LHFPL2: variants seen among roughly 807,000 people sequenced by gnomAD.
LHFPL2 encodes the protein LHFPL tetraspan subfamily member 2.
LHFPL2 carries 7 observed loss-of-function variants against 17.5 expected under a neutral mutation model. The ratio of observed to expected loss-of-function variants is 0.40; its 90% CI spans 0.23 to 0.75. The LOEUF (loss-of-function observed/expected upper bound fraction) is 0.75. LHFPL2 is among the 30% of genes least tolerant of loss of function. LHFPL2 has a pLI of 0.37. For missense variants in LHFPL2, 241 were observed against 294.8 expected (o/e 0.82, Z 1.34); for synonymous variants, 134 against 116.2 (o/e 1.15, Z -0.99).
chr5:78,623,494 ATTG>A (rs1744931470), intron 2 of LHFPL2, among the ~76,000 whole-genome samples: 1 of 152,270 alleles, frequency 6.6e-6, no homozygotes, highest in Non-Finnish European at 1.5e-5. Context: ...GAACTATTGC[ATTG>A]AAACTATGTC....
At chr5:78,582,675 T>C (rs2112445973) in intron 2 of LHFPL2, among the ~76,000 whole-genome samples, 1 of 152,368 alleles carries the variant, frequency 6.6e-6, no homozygotes, top group South Asian at 2.1e-4. Context: ...TCCTGTTCTT[T>C]TACAGTTGCT....
rs1048155937 is a variant in LHFPL2 at position 78,487,520 on chromosome 5, C to T, written c.*1377G>A. The T allele has an allele frequency of 4.6e-5, 7 of 152,206 alleles. No homozygotes were observed. The highest frequency in any genetic ancestry group is 7.3e-5 in the Non-Finnish European group (5 of 68,042). The allele number at this position is 152,206 out of a possible 1,614,324, so 9.4% of individuals were successfully genotyped here. On this transcript the variant is annotated 3_prime_UTR_variant, in exon 5 of 5. Transcript: ENST00000380345. ...TTTCTTAAAGTGCTAAGGAGTGTTT[C>T]TGTATCATGATACAATTTTGAAGCT...
At chr5:78,515,837 G>A (rs1020710882) in intron 3 of LHFPL2, among the ~76,000 whole-genome samples, 9 of 152,178 alleles carry the variant, frequency 5.9e-5, no homozygotes, top group Admixed American at 5.9e-4. Flanking sequence ...GGAGGCTGAA[G>A]GGCAGAGGCA....
At chr5:78,505,459 C>CAGGGGA (rs1392145651) in intron 4 of LHFPL2, among the ~76,000 whole-genome samples, 6 of 152,160 alleles carry the variant, frequency 3.9e-5, no homozygotes, top group Non-Finnish European at 8.8e-5. Flanking sequence ...ATGTGTGTGT[C>CAGGGGA]AGGGGAAGGG....
At chr5:78,594,013 G>T (rs1743738597) in intron 2 of LHFPL2, among the ~76,000 whole-genome samples, 2 of 152,346 alleles carry the variant, frequency 1.3e-5, no homozygotes, top group Admixed American at 6.5e-5. Context: ...ATAACTCGTA[G>T]ATAGGAACTC....
At chr5:78,534,724 A>G (rs1309821299) in intron 3 of LHFPL2, among the ~76,000 whole-genome samples, 1 of 152,174 alleles carries the variant, frequency 6.6e-6, no homozygotes, top group Non-Finnish European at 1.5e-5. Flanking sequence ...TCTCAGCCCA[A>G]ACAGGCAGTG....
intron 1 of LHFPL2, among the ~76,000 whole-genome samples, chr5:78,640,080 A>G (rs1324476347): frequency 6.6e-6 from 1 of 152,238 alleles, no homozygotes; most frequent in East Asian, 1.9e-4. Context: ...TAGAATCAGG[A>G]GAGGAAAAAG....
Position 78,538,070 on chromosome 5 carries a change from C to A in LHFPL2, c.-186+26743G>T, listed in dbSNP as rs58551105. On this transcript the variant is annotated intron_variant, in intron 3 of 4. Transcript: ENST00000380345. Reference sequence around the variant, plus strand: ...CTGCCTTAGAATCTTCTCAATAGAGCCCCTAGTCCTGCGGCATCTCAGCCA... The same window carrying A: ...CTGCCTTAGAATCTTCTCAATAGAGACCCTAGTCCTGCGGCATCTCAGCCA... 9.7e-3 allele frequency among the ~76,000 whole-genome samples: 1,481 copies of A among 152,280 alleles called. 22 individuals carry two copies. Among genetic ancestry groups the A allele is most frequent in the African/African-American group, 0.032 (1,331 of 41,566 alleles).
chr5:78,634,100 A>C (rs1745344432), intron 1 of LHFPL2, among the ~76,000 whole-genome samples: 1 of 152,234 alleles, frequency 6.6e-6, no homozygotes, highest in South Asian at 2.1e-4. Flanking sequence ...TACCAAAAGA[A>C]AAAAGATTAC....
rs6876377 is a variant in LHFPL2, at chr5:78,598,000, A to G, written c.-244-33129T>C. Among the ~76,000 whole-genome samples the G allele has an allele frequency of 8.3e-3, 1,268 of 152,304 alleles. 15 individuals carry two copies. Among genetic ancestry groups the G allele is most frequent in the African/African-American group, 0.027 (1,132 of 41,560 alleles). On this transcript the variant is annotated intron_variant, in intron 2 of 4. Coordinates refer to ENST00000380345, the MANE Select transcript of LHFPL2 (RefSeq NM_005779.3). ...CTTGACAACCACAAACTAAATAACAATGGAATCCAACTTTTGAATAATGCA... is the reference window on the plus strand; with the variant it reads ...CTTGACAACCACAAACTAAATAACAGTGGAATCCAACTTTTGAATAATGCA...
intron 3 of LHFPL2, among the ~76,000 whole-genome samples, chr5:78,526,109 C>T (rs1755615245): frequency 1.3e-5 from 2 of 152,122 alleles, no homozygotes; most frequent in Admixed American, 1.3e-4. Context: ...CGCTCTCTGC[C>T]TCTTCTGCTG....
intron 3 of LHFPL2, among the ~76,000 whole-genome samples, chr5:78,529,622 G>A (rs928696782): frequency 3.8e-4 from 57 of 148,954 alleles, no homozygotes; most frequent in African/African-American, 1.2e-3. Context: ...CGGCCTGGGC[G>A]ACAGAGCGAG....
chr5:78,499,250 G>A (rs1171970239), intron 4 of LHFPL2, among the ~76,000 whole-genome samples: 1 of 152,204 alleles, frequency 6.6e-6, no homozygotes, highest in Non-Finnish European at 1.5e-5. Flanking sequence ...TTGTAAAGAT[G>A]ATTAGAACCC....
At chr5:78,517,831 C>CT (rs1481530622) in intron 3 of LHFPL2, among the ~76,000 whole-genome samples, 2 of 152,210 alleles carry the variant, frequency 1.3e-5, no homozygotes, top group Non-Finnish European at 2.9e-5. Context: ...GGAAGGTCCA[C>CT]TTGTCTGGTC....
chr5:78,518,728 C>G (rs979442078), intron 3 of LHFPL2, among the ~76,000 whole-genome samples: 1 of 150,848 alleles, frequency 6.6e-6, no homozygotes, highest in Non-Finnish European at 1.5e-5. Context: ...AGTCACTGCA[C>G]GCTCAAAGTT....
At chr5:78,640,204 C>T (rs775732808) in intron 1 of LHFPL2, among the ~76,000 whole-genome samples, 3 of 151,998 alleles carry the variant, frequency 2.0e-5, no homozygotes, top group African/African-American at 7.3e-5. Context: ...AAAAAAAAAT[C>T]AAACATGCCA....
At chr5:78,578,283 A>G (rs1457988673) in intron 2 of LHFPL2, among the ~76,000 whole-genome samples, 2 of 152,320 alleles carry the variant, frequency 1.3e-5, no homozygotes, top group East Asian at 3.9e-4. Flanking sequence ...GAATAAAAGG[A>G]GTATTACAGG....
rs752271752 is a variant in LHFPL2 at position 78,488,931 on chromosome 5, A to G, written c.653T>C (p.Ile218Thr). The change falls in exon 5 of 5, where the codon ATT (isoleucine) becomes ACT (threonine). Residue 218 changes from isoleucine to threonine, a missense_variant. By Grantham distance (89) the Ile-to-Thr change is moderately conservative. Transcript: ENST00000380345. ...ATSSDKVQEE[I>T]EEGKNLICLL is the part of the protein sequence containing the mutation. ...GCAGATCAGATTTTTCCCCTCTTCA[A>G]TTTCTTCCTGTACTTTGTCACTAGA... is the stretch of plus-strand genomic sequence containing the variant. 9.3e-6 allele frequency: 15 copies of G among 1,613,894 alleles called. No homozygotes were observed. The highest frequency in any genetic ancestry group is 4.5e-5 in the East Asian group (2 of 44,896).
chr5:78,618,266 AG>A (rs1421757258), intron 2 of LHFPL2, among the ~76,000 whole-genome samples: 1 of 152,152 alleles, frequency 6.6e-6, no homozygotes, highest in Non-Finnish European at 1.5e-5. Context: ...TTCCGTAGTA[AG>A]TTTTTATAAG....
Sources: gnomAD v4.1 joint callset for allele counts (sites outside exome capture counted in the v4.1 genomes callset) on GRCh38, gnomAD v4.1.1 for gene constraint, MANE v1.5 for transcripts, NCBI Gene and HGNC (gene_info 2026-07-23, HGNC 2026-07-21) for gene names.